The following FARP1 variants were observed in gnomAD, a reference collection of about 807,000 sequenced individuals.
FARP1 encodes the protein FERM, ARH/RhoGEF and pleckstrin domain protein 1, also known as FERM, ARHGEF and pleckstrin domain-containing protein 1.
FARP1 carries 52 observed loss-of-function variants against 128.8 expected under a neutral mutation model. The ratio of observed to expected loss-of-function variants is 0.40; its 90% CI spans 0.32 to 0.51. FARP1 has a LOEUF of 0.51. FARP1 is among the 20% of genes least tolerant of loss of function. The pLI, the probability that FARP1 is intolerant of heterozygous loss-of-function variation, is 0.45. For synonymous variants in FARP1, 580 were observed against 551.8 expected, an observed-to-expected ratio of 1.05 and a Z score of -0.72; for missense variants, 1,333 against 1,367.9, an observed-to-expected ratio of 0.97 and a Z score of 0.40.
chr13:98,439,286 C>T (rs1892424718), intron 21 of FARP1, 90 bp downstream of exon 21: 1 of 863,048 alleles, frequency 1.2e-6, no homozygotes, highest in Non-Finnish European at 1.9e-6. Flanking sequence ...GGGAAGGAGA[C>T]TGGATAGGGA....
chr13:98,446,076 C>G (rs774881342), intron 24 of FARP1, 22 bp from the exon 25 acceptor site: 1 of 1,560,136 alleles, frequency 6.4e-7, no homozygotes, highest in South Asian at 1.1e-5. Flanking sequence ...CTGTGCTTCT[C>G]ACAGGCCTCC....
intron 19 of FARP1, chr13:98,437,992 C>A: frequency 1.4e-6 from 1 of 695,920 alleles, no homozygotes; most frequent in South Asian, 2.0e-5. Flanking sequence ...ATCGGAGGCG[C>A]CTGAGGGAGC....
chr13:98,204,858 G>A (rs554299293), intron 1 of FARP1, among the ~76,000 whole-genome samples: 2 of 152,108 alleles, frequency 1.3e-5, no homozygotes, highest in Non-Finnish European at 2.9e-5. Context: ...TGAGGCAGGA[G>A]GATCGCTTGA....
In FARP1 at chr13:98,448,380, T is replaced by A; in HGVS notation, c.*63T>A. 1 of 1,279,366 alleles carries A rather than the reference T, an allele frequency of 7.8e-7. No individual in the cohort carries two copies. Among genetic ancestry groups the A allele is most frequent in the South Asian group, 1.2e-5 (1 of 83,932 alleles). The allele number at this position is 1,279,366 out of a possible 1,614,324, so 79.3% of individuals were successfully genotyped here. On this transcript the variant is annotated 3_prime_UTR_variant, in exon 27 of 27. Transcript: ENST00000319562. The stretch of plus-strand genomic sequence containing the variant: ...TGGAAGACGTTTCCTTTCTTCTGTA[T>A]TAATGAAGCCTGGTAAAATTAACAC...
intron 2 of FARP1, among the ~76,000 whole-genome samples, chr13:98,303,380 T>C (rs1319524365): frequency 6.6e-6 from 1 of 152,230 alleles, no homozygotes; most frequent in African/African-American, 2.4e-5. Flanking sequence ...GTAGTTGAAT[T>C]TTATAGCATG....
intron 1 of FARP1, among the ~76,000 whole-genome samples, chr13:98,144,067 T>TTTTTTA (rs1566657891): frequency 5.3e-5 from 8 of 151,704 alleles, no homozygotes; most frequent in Non-Finnish European, 1.0e-4. Context: ...AGGGCAAAGT[T>TTTTTTA]TTTTTTATTT....
At chr13:98,286,557 T>A (rs1431407798) in intron 2 of FARP1, among the ~76,000 whole-genome samples, 1 of 152,232 alleles carries the variant, frequency 6.6e-6, no homozygotes, top group Non-Finnish European at 1.5e-5. Flanking sequence ...GACATACCTT[T>A]CACCTTCTGC....
chr13:98,423,810 T>A (rs1891681486), intron 16 of FARP1, among the ~76,000 whole-genome samples: 1 of 152,246 alleles, frequency 6.6e-6, no homozygotes, highest in African/African-American at 2.4e-5. Flanking sequence ...TGGACAGTAC[T>A]TAGTAAATAC....
chr13:98,150,387 A>G (rs544518482), intron 1 of FARP1, among the ~76,000 whole-genome samples: 5 of 152,136 alleles, frequency 3.3e-5, no homozygotes, highest in African/African-American at 4.8e-5. Flanking sequence ...TTTATTTAGG[A>G]TACTTGATAT....
At chr13:98,295,046 T>TACACACACAC (rs746373395) in intron 2 of FARP1, among the ~76,000 whole-genome samples, 9 of 108,368 alleles carry the variant, frequency 8.3e-5, no homozygotes, top group Non-Finnish European at 1.3e-4. Flanking sequence ...ATATATATAT[T>TACACACACAC]ACACACACAC....
rs9556959 is a variant in FARP1, at chr13:98,453,572, G to A, written c.*5255G>A. 0.017 allele frequency: 3,207 copies of A among 185,276 alleles called. 200 individuals carry two copies. In the East Asian group the frequency reaches 0.22, roughly 13 times the overall value. 11.5% of individuals were successfully genotyped at this position (185,276 alleles called of 1,614,324 possible). On this transcript the variant is annotated 3_prime_UTR_variant, in exon 27 of 27. Coordinates refer to ENST00000319562, the MANE Select transcript of FARP1 (RefSeq NM_005766.4). ...ATTCCAGGGATGCATATGCATTCCCGATGTGAGGGCAGGAAACCCATTTTG... is the reference window on the plus strand; with the variant it reads ...ATTCCAGGGATGCATATGCATTCCCAATGTGAGGGCAGGAAACCCATTTTG...
At chr13:98,424,679 A>AG (rs775973251) in intron 17 of FARP1, 29 bp downstream of exon 17, 1 of 1,484,494 alleles carries the variant, frequency 6.7e-7, no homozygotes, top group Non-Finnish European at 9.4e-7. Flanking sequence ...GGGTGGAGCA[A>AG]GGTTCACCAA....
chr13:98,259,485 T>C (rs533442079), intron 2 of FARP1, among the ~76,000 whole-genome samples: 5 of 152,014 alleles, frequency 3.3e-5, no homozygotes, highest in Admixed American at 3.3e-4. Flanking sequence ...TGTCCCTGTG[T>C]TGGGCCTCCC....
chr13:98,376,099 G>C (rs1889571687), intron 5 of FARP1, among the ~76,000 whole-genome samples: 1 of 152,138 alleles, frequency 6.6e-6, no homozygotes, highest in South Asian at 2.1e-4. Flanking sequence ...GCAGGGGGTG[G>C]TATCTATGAC....
chr13:98,328,192 G>A lies in FARP1; in HGVS notation c.172-15570G>A, dbSNP rs555005361. ...CAGTCTGTTGGTTAAGTCCTAGGTG[G>A]AATCTTTGGAAAGAACTGGCTTTTG... is the stretch of plus-strand genomic sequence containing the variant. On this transcript the variant is annotated intron_variant, in intron 2 of 26. Coordinates refer to ENST00000319562, the MANE Select transcript of FARP1 (RefSeq NM_005766.4). 94 of 152,244 alleles carry A rather than the reference G, an allele frequency of 6.2e-4. 1 individual carries two copies. The highest frequency in any genetic ancestry group is 2.2e-3 in the African/African-American group (93 of 41,530). 9.4% of individuals were successfully genotyped at this position (152,244 alleles called of 1,614,324 possible). A position where few individuals can be genotyped will look rare whatever the true frequency, so the allele number is the denominator to read the frequency against.
intron 1 of FARP1, among the ~76,000 whole-genome samples, chr13:98,179,504 T>C (rs571883294): frequency 1.0e-3 from 156 of 152,284 alleles, no homozygotes; most frequent in Middle Eastern, 3.4e-3. Context: ...TGATCTTTGC[T>C]GCCAGAATTC....
At chr13:98,376,071 G>A (rs2140003383) in intron 5 of FARP1, among the ~76,000 whole-genome samples, 1 of 152,232 alleles carries the variant, frequency 6.6e-6, no homozygotes, top group Non-Finnish European at 1.5e-5. Flanking sequence ...GTTCGGTTTG[G>A]TTTTGTCTTG....
intron 3 of FARP1, among the ~76,000 whole-genome samples, chr13:98,363,588 C>T (rs1888961524): frequency 6.6e-6 from 1 of 152,116 alleles, no homozygotes. Flanking sequence ...ATCTCAGCGC[C>T]TGGTAACAGG....
At chr13:98,221,453 C>T (rs1474653031) in intron 2 of FARP1, among the ~76,000 whole-genome samples, 1 of 152,186 alleles carries the variant, frequency 6.6e-6, no homozygotes, top group Non-Finnish European at 1.5e-5. Context: ...GAATCATTAC[C>T]TAAGCCAAAG....
Sources: gnomAD v4.1 joint callset for allele counts (sites outside exome capture counted in the v4.1 genomes callset) on GRCh38, gnomAD v4.1.1 for gene constraint, MANE v1.5 for transcripts, NCBI Gene and HGNC (gene_info 2026-07-23, HGNC 2026-07-21) for gene names.